Variants in RBFOX1 observed in about 807,000 individuals in gnomAD.
The protein encoded by RBFOX1 is RNA binding fox-1 homolog 1.
Under a neutral mutation model 57.7 loss-of-function variants are expected in RBFOX1, and 8 were observed. The observed-to-expected ratio is 0.14, with a 90% CI of 0.08 to 0.25. The LOEUF is 0.25. Ranked by LOEUF, RBFOX1 falls within the 10% of genes least tolerant of loss-of-function variation. The pLI, the probability that RBFOX1 is intolerant of heterozygous loss-of-function variation, is 1.00. For missense variants in RBFOX1, 611 were observed against 548.5 expected (o/e 1.11, Z -1.14); for synonymous variants, 326 against 222.4 (o/e 1.47, Z -4.15).
intron 3 of RBFOX1, among the ~76,000 whole-genome samples, chr16:5,734,035 G>A (rs962322859): frequency 6.6e-6 from 1 of 152,154 alleles, no homozygotes; most frequent in Non-Finnish European, 1.5e-5. Context: ...CATGTAATAA[G>A]AACATGCACG....
intron 3 of RBFOX1, among the ~76,000 whole-genome samples, chr16:6,833,460 C>G (rs538349676): frequency 1.6e-4 from 25 of 152,284 alleles, no homozygotes; most frequent in Non-Finnish European, 2.8e-4. Flanking sequence ...AACCACTGCT[C>G]CCAGCCTCAA....
intron 3 of RBFOX1, among the ~76,000 whole-genome samples, chr16:5,765,704 C>T (rs115266339): frequency 0.015 from 2,221 of 152,254 alleles, 31 homozygotes; most frequent in African/African-American, 0.036. Flanking sequence ...GGAGAAAGGA[C>T]GCCTTGTGTT....
rs866867387 is a variant in RBFOX1 at position 7,576,689 on chromosome 16, G to A, written c.271-3088G>A. On this transcript the variant is annotated intron_variant, in intron 5 of 15. Coordinates refer to ENST00000550418, the MANE Select transcript of RBFOX1 (RefSeq NM_018723.4). ...GATTAATTTTAATTTTCACATGAGC[G>A]GTATAATGCTATTAATCATTTAATA... 6.6e-5 allele frequency among the ~76,000 whole-genome samples: 10 copies of A among 152,052 alleles called. No individual in the cohort carries two copies. In the East Asian group the frequency reaches 1.2e-3, roughly 18 times the overall value.
intron 3 of RBFOX1, among the ~76,000 whole-genome samples, chr16:6,706,589 G>T (rs540466471): frequency 2.8e-4 from 42 of 152,164 alleles, no homozygotes; most frequent in Non-Finnish European, 5.3e-4. Context: ...ATGTGCCATT[G>T]CTCTAATAGA....
At chr16:5,807,935 C>G (rs2151768419) in intron 3 of RBFOX1, among the ~76,000 whole-genome samples, 1 of 152,324 alleles carries the variant, frequency 6.6e-6, no homozygotes, top group Non-Finnish European at 1.5e-5. Flanking sequence ...CACCATAAAC[C>G]TTGTATCTGG....
chr16:6,253,699 G>GTGTA (rs71145205), intron 1 of RBFOX1, among the ~76,000 whole-genome samples: 77 of 142,492 alleles, frequency 5.4e-4, no homozygotes, highest in Middle Eastern at 3.6e-3. Context: ...GTGTGTGTGT[G>GTGTA]TATATATATA....
At chr16:6,765,016 G>A (rs1310553944) in intron 3 of RBFOX1, among the ~76,000 whole-genome samples, 8 of 150,332 alleles carry the variant, frequency 5.3e-5, no homozygotes, top group African/African-American at 1.5e-4. Flanking sequence ...GTTGGCTAAG[G>A]TTTTCAGAAA....
At chr16:5,864,372 C>T (rs1031662604) in intron 3 of RBFOX1, among the ~76,000 whole-genome samples, 1 of 152,146 alleles carries the variant, frequency 6.6e-6, no homozygotes, top group Non-Finnish European at 1.5e-5. Context: ...TTAAACAATT[C>T]AGGAAAAGAG....
intron 2 of RBFOX1, among the ~76,000 whole-genome samples, chr16:5,508,336 A>G (rs2043449606): frequency 6.6e-6 from 1 of 152,056 alleles, no homozygotes; most frequent in South Asian, 2.1e-4. Context: ...CTCCTTGCCA[A>G]CTACCTGCAT....
intron 3 of RBFOX1, among the ~76,000 whole-genome samples, chr16:6,786,892 C>T (rs919956976): frequency 8.5e-6 from 1 of 117,176 alleles, no homozygotes; most frequent in African/African-American, 3.8e-5. Flanking sequence ...GCTTAGCCGG[C>T]AGGCTTTTTT....
chr16:5,992,180 G>T (rs962240856), intron 4 of RBFOX1, among the ~76,000 whole-genome samples: 3 of 151,996 alleles, frequency 2.0e-5, no homozygotes, highest in African/African-American at 7.2e-5. Context: ...AAAGAGAAAA[G>T]AAGTAAAATA....
intron 1 of RBFOX1, among the ~76,000 whole-genome samples, chr16:6,149,590 T>C (rs756968529): frequency 4.6e-5 from 7 of 152,204 alleles, no homozygotes; most frequent in Non-Finnish European, 7.3e-5. Flanking sequence ...ATCCCTTAGA[T>C]GAGGCAGATG....
intron 3 of RBFOX1, among the ~76,000 whole-genome samples, chr16:6,852,841 G>T (rs990389903): frequency 6.6e-6 from 1 of 151,188 alleles, no homozygotes; most frequent in African/African-American, 2.4e-5. Flanking sequence ...TCCAGGTGAG[G>T]TGCATGCTGG....
chr16:5,247,550 A>G (rs1228812334), intron 1 of RBFOX1, among the ~76,000 whole-genome samples: 1 of 152,194 alleles, frequency 6.6e-6, no homozygotes, highest in Non-Finnish European at 1.5e-5. Flanking sequence ...GCTGTAGCAG[A>G]GGAGGCAGGC....
intron 2 of RBFOX1, among the ~76,000 whole-genome samples, chr16:6,341,071 C>G (rs1478863515): frequency 6.6e-6 from 1 of 152,108 alleles, no homozygotes; most frequent in East Asian, 1.9e-4. Flanking sequence ...GATGCTGCAT[C>G]AAATGATCAC....
intron 2 of RBFOX1, among the ~76,000 whole-genome samples, chr16:6,339,678 T>C (rs770134769): frequency 2.0e-5 from 3 of 151,770 alleles, no homozygotes; most frequent in Non-Finnish European, 4.4e-5. Flanking sequence ...TATTTTATTT[T>C]ATTTTATTTT....
At chr16:6,651,602 T>G (rs1051821099) in intron 2 of RBFOX1, among the ~76,000 whole-genome samples, 2 of 152,166 alleles carry the variant, frequency 1.3e-5, no homozygotes, top group African/African-American at 4.8e-5. Flanking sequence ...TTGTGCACTG[T>G]TAGTGGGGAT....
chr16:6,094,124 A>C (rs751862550), intron 1 of RBFOX1, among the ~76,000 whole-genome samples: 3 of 152,162 alleles, frequency 2.0e-5, no homozygotes, highest in Non-Finnish European at 2.9e-5. Flanking sequence ...CTACTGTGAA[A>C]TAGATTTCCA....
intron 4 of RBFOX1, among the ~76,000 whole-genome samples, chr16:5,957,722 G>A (rs2059673615): frequency 6.6e-6 from 1 of 152,130 alleles, no homozygotes; most frequent in Non-Finnish European, 1.5e-5. Flanking sequence ...GGGGGCACAT[G>A]AGATGTTTTG....
Sources: allele counts gnomAD v4.1 joint callset (sites outside exome capture counted in the v4.1 genomes callset), GRCh38; gene constraint gnomAD v4.1.1; transcripts MANE v1.5; gene names NCBI Gene and HGNC (gene_info 2026-07-23, HGNC 2026-07-21).